GRIN2B: variants seen among roughly 807,000 people sequenced by gnomAD.
GRIN2B encodes the protein glutamate ionotropic receptor NMDA type subunit 2B, also known as glutamate receptor ionotropic, NMDA 2B.
A neutral mutation model predicts 114.5 loss-of-function variants in GRIN2B; 5 were observed. The ratio of observed to expected loss-of-function variants is 0.04; its 90% CI spans 0.02 to 0.09. The LOEUF is 0.09. GRIN2B is among the 10% of genes least tolerant of loss of function. The probability of loss-of-function intolerance (pLI) is 1.00; values close to 1 mark genes in which losing one functional copy is unlikely to be tolerated. For synonymous variants in GRIN2B, 787 were observed against 745.1 expected, an observed-to-expected ratio of 1.06 and a Z score of -0.92; for missense variants, 1,108 against 1,943.5, an observed-to-expected ratio of 0.57 and a Z score of 8.08.
rs1948369356 is a variant in GRIN2B, at chr12:13,548,136, G to A, written c.*14647C>T. 6.6e-6 allele frequency: 1 copy of A among 151,570 alleles called. No individual in the cohort carries two copies. The highest frequency in any genetic ancestry group is 1.5e-5 in the Non-Finnish European group (1 of 67,924). The allele number at this position is 151,570 out of a possible 1,614,324, so 9.4% of individuals were successfully genotyped here. A position where few individuals can be genotyped will look rare whatever the true frequency, so the allele number is the denominator to read the frequency against. The stretch of plus-strand genomic sequence containing the variant: ...CTAGGCTCAGTGGGAAAGAGTTTAA[G>A]TTCATGTGGATCTTGCTGTTCCGGA... On this transcript the variant is annotated 3_prime_UTR_variant, in exon 14 of 14. Coordinates refer to ENST00000609686, the MANE Select transcript of GRIN2B (RefSeq NM_000834.5).
intron 3 of GRIN2B, among the ~76,000 whole-genome samples, chr12:13,851,933 G>A (rs1865572233): frequency 2.6e-5 from 4 of 152,144 alleles, no homozygotes; most frequent in Admixed American, 2.6e-4. Context: ...AGTAGGCAGA[G>A]GAGGAGGAGG....
At chr12:13,916,737 T>TTGTGTGTGTGTGTGTG (rs57501769) in intron 2 of GRIN2B, among the ~76,000 whole-genome samples, 1,694 of 139,902 alleles carry the variant, frequency 0.012, 21 homozygotes, top group East Asian at 0.04. Context: ...ACACACACAT[T>TTGTGTGTGTGTGTGTG]TGTGTGTGTG....
chr12:13,850,965 G>A (rs1195418296), intron 3 of GRIN2B, among the ~76,000 whole-genome samples: 1 of 152,018 alleles, frequency 6.6e-6, no homozygotes, highest in Non-Finnish European at 1.5e-5. Context: ...GGTTAAATTG[G>A]CTCAGTGCAG....
chr12:13,673,734 A>G lies in GRIN2B; in HGVS notation c.1125+2011T>C, dbSNP rs377171639. On this transcript the variant is annotated intron_variant, in intron 5 of 13. Coordinates refer to ENST00000609686, the MANE Select transcript of GRIN2B (RefSeq NM_000834.5). ...ATTCTGGACTCAAGAAGAGGAGTCA[A>G]TATGACCTGATGGTGAGTGGTGTCT... is the stretch of plus-strand genomic sequence containing the variant. Among the ~76,000 whole-genome samples the G allele has an allele frequency of 7.9e-5, 12 of 152,130 alleles. No individual in the cohort carries two copies. In the South Asian group the frequency reaches 2.5e-3, roughly 32 times the overall value.
In GRIN2B at chr12:13,737,016, G is replaced by A. The variant is rs1354196061; in HGVS notation, c.1010+16301C>T. Among the ~76,000 whole-genome samples, 5 of 87,200 alleles carry A rather than the reference G, an allele frequency of 5.7e-5. No homozygotes were observed. In the Admixed American group the frequency reaches 6.9e-4, roughly 12 times the overall value. The allele number at this position is 87,200 out of a possible 152,430, so 57.2% of individuals were successfully genotyped here. On this transcript the variant is annotated intron_variant, in intron 4 of 13. Coordinates refer to ENST00000609686, the MANE Select transcript of GRIN2B (RefSeq NM_000834.5). ...TTGCACTCCAGCTTGGGCAACAAGA[G>A]AGAAACTCCATCTCAAAAAAAAAAA...
Position 13,830,753 on chromosome 12 carries a change from A to G in GRIN2B, c.411+35045T>C, listed in dbSNP as rs369108476. Among the ~76,000 whole-genome samples, 135 of 152,352 alleles carry G rather than the reference A, an allele frequency of 8.9e-4. 4 individuals carry two copies. In the South Asian group the frequency reaches 0.027, roughly 31 times the overall value. The stretch of plus-strand genomic sequence containing the variant: ...AAAGCAGGCTTAATTCACGGGCAAC[A>G]TTTCTGCCTGAATATTCCTTAAAGA... On this transcript the variant is annotated intron_variant, in intron 3 of 13. Coordinates refer to ENST00000609686, the MANE Select transcript of GRIN2B (RefSeq NM_000834.5).
In GRIN2B at chr12:13,753,625, C is replaced by T; in HGVS notation, c.702G>A (p.Lys234=). The T allele has an allele frequency of 1.2e-6, 2 of 1,614,176 alleles. No homozygotes were observed. Among genetic ancestry groups the T allele is most frequent in the African/African-American group, 2.7e-5 (2 of 75,048 alleles). ...QSPIILLYCT[K]EEATYIFEVA... ...CTTCAAAGATGTAGGTGGCTTCTTC[C>T]TTGGTACAGTAAAGAAGAATGATGG... is the stretch of plus-strand genomic sequence containing the variant. Residue 234 remains lysine (K), a synonymous_variant, in exon 4 of 14, where the codon AAG becomes AAA. Transcript: ENST00000609686. The surrounding 1 kb of genome is among the most constrained non-coding windows in gnomAD (Gnocchi z 6.2).
chr12:13,620,953 G>A (rs201874602), intron 5 of GRIN2B, among the ~76,000 whole-genome samples: 5 of 148,926 alleles, frequency 3.4e-5, no homozygotes, highest in African/African-American at 2.5e-5. Flanking sequence ...AAACTTTTTT[G>A]AAAAAAAAAA....
intron 3 of GRIN2B, among the ~76,000 whole-genome samples, chr12:13,774,213 G>A (rs1334861007): frequency 1.3e-5 from 2 of 152,204 alleles, no homozygotes; most frequent in Non-Finnish European, 2.9e-5. Context: ...TACCCCAGCT[G>A]ATAACCAGTA....
chr12:13,868,400 TG>T (rs1865858507), intron 2 of GRIN2B, among the ~76,000 whole-genome samples: 1 of 151,868 alleles, frequency 6.6e-6, no homozygotes, highest in African/African-American at 2.4e-5. Flanking sequence ...TGAGTAGTAC[TG>T]ATATTCAGAG....
intron 3 of GRIN2B, among the ~76,000 whole-genome samples, chr12:13,788,238 A>G (rs994538928): frequency 1.3e-5 from 2 of 152,212 alleles, no homozygotes; most frequent in Non-Finnish European, 2.9e-5. Flanking sequence ...TCCAAAGAAA[A>G]GATGTTGAAT....
chr12:13,971,587 C>T (rs1349001810), intron 2 of GRIN2B, among the ~76,000 whole-genome samples: 3 of 152,146 alleles, frequency 2.0e-5, no homozygotes, highest in Non-Finnish European at 4.4e-5. Context: ...ATAATTGCAC[C>T]ATTCACACCC....
rs984333327 is a variant in GRIN2B at position 13,717,079 on chromosome 12, G to A, written c.1010+36238C>T. Among the ~76,000 whole-genome samples, 452 of 143,326 alleles carry A rather than the reference G, an allele frequency of 3.2e-3. 6 individuals carry two copies. Among genetic ancestry groups the A allele is most frequent in the African/African-American group, 0.013 (427 of 33,828 alleles). 94.0% of individuals were successfully genotyped at this position (143,326 alleles called of 152,430 possible). On this transcript the variant is annotated intron_variant, in intron 4 of 13. Transcript: ENST00000609686. ...TCATGCCATACGCGTGTGTGTGTGT[G>A]TGTGTGTGTGTGTGTGTGTGTGTAT...
rs141837775 is a variant in GRIN2B, at chr12:13,718,828, C to T, written c.1010+34489G>A. Among the ~76,000 whole-genome samples, 102 of 152,150 alleles carry T rather than the reference C, an allele frequency of 6.7e-4. No individual in the cohort carries two copies. In the East Asian group the frequency reaches 0.016, roughly 24 times the overall value. ...GGGATATAATGACTGGCTCCCTTCA[C>T]GCTGTAAGTAGAAACACAGAGAAGA... On this transcript the variant is annotated intron_variant, in intron 4 of 13. Transcript: ENST00000609686.
intron 4 of GRIN2B, among the ~76,000 whole-genome samples, chr12:13,698,807 T>C (rs1950284725): frequency 6.6e-6 from 1 of 152,080 alleles, no homozygotes; most frequent in Non-Finnish European, 1.5e-5. Context: ...CTCAGGCTCC[T>C]GAGCAGCTGG....
rs370121088 is a variant in GRIN2B, at chr12:13,767,192, G to A, written c.412-13277C>T. 1.3e-4 allele frequency among the ~76,000 whole-genome samples: 20 copies of A among 151,288 alleles called. No individual in the cohort carries two copies. The South Asian group carries it at 2.7e-3, about 20-fold the overall frequency. On this transcript the variant is annotated intron_variant, in intron 3 of 13. Coordinates refer to ENST00000609686, the MANE Select transcript of GRIN2B (RefSeq NM_000834.5). ...GGAGAATGGCGTGAGGCCGGGAGGC[G>A]GAGCTTGCAGTGAGCGGAGATCGCA...
chr12:13,711,387 TC>T (rs1202900319), intron 4 of GRIN2B, among the ~76,000 whole-genome samples: 1 of 152,088 alleles, frequency 6.6e-6, no homozygotes, highest in Admixed American at 6.6e-5. Context: ...TGGGATCTAA[TC>T]AAACTAAAGA....
chr12:13,969,279 G>A (rs913809136), intron 2 of GRIN2B, among the ~76,000 whole-genome samples: 1 of 151,854 alleles, frequency 6.6e-6, no homozygotes, highest in Non-Finnish European at 1.5e-5. Flanking sequence ...CCAAGTACAG[G>A]CTGTTTATGA....
chr12:13,892,399 T>TA (rs1220382295), intron 2 of GRIN2B, among the ~76,000 whole-genome samples: 6 of 152,292 alleles, frequency 3.9e-5, no homozygotes, highest in South Asian at 2.1e-4. Flanking sequence ...AATATTATTT[T>TA]AAAAAAACTA....
Sources: gnomAD v4.1 joint callset for allele counts (sites outside exome capture counted in the v4.1 genomes callset) on GRCh38, gnomAD v4.1.1 for gene constraint, Gnocchi (gnomAD v3.1) non-coding constraint, MANE v1.5 for transcripts, NCBI Gene and HGNC (gene_info 2026-07-23, HGNC 2026-07-21) for gene names.